Variants in PDHX observed in about 807,000 individuals in gnomAD.
PDHX encodes pyruvate dehydrogenase complex component X, also known as pyruvate dehydrogenase protein X component, mitochondrial.
A neutral mutation model predicts 55.3 loss-of-function variants in PDHX; 33 were observed. The observed-to-expected ratio is 0.60, with a 90% CI of 0.45 to 0.80. The LOEUF (loss-of-function observed/expected upper bound fraction) is 0.80, where lower values mean the gene tolerates loss of function less well. PDHX is among the 30% of genes least tolerant of loss of function. The probability of loss-of-function intolerance (pLI) is 0.00; values close to 1 mark genes in which losing one functional copy is unlikely to be tolerated. For missense variants in PDHX, 622 were observed against 619.9 expected (o/e 1.00, Z -0.04); for synonymous variants, 226 against 219.4 (o/e 1.03, Z -0.27).
chr11:34,931,752 T>C (rs531733201), intron 2 of PDHX, among the ~76,000 whole-genome samples: 1 of 152,214 alleles, frequency 6.6e-6, no homozygotes, highest in African/African-American at 2.4e-5. Flanking sequence ...TCCTTATGCC[T>C]AGCTTTTAGT....
chr11:34,994,812 C>A, intron 10 of PDHX, 102 bp from the exon 11 acceptor site: 1 of 1,274,470 alleles, frequency 7.8e-7, no homozygotes, highest in Non-Finnish European at 1.1e-6. Context: ...TTTTTTCTTG[C>A]CTTACTACAC....
At chr11:34,950,946 G>A (rs1245967038) in intron 3 of PDHX, among the ~76,000 whole-genome samples, 2 of 149,296 alleles carry the variant, frequency 1.3e-5, no homozygotes, top group African/African-American at 2.5e-5. Flanking sequence ...CTGAGGAATC[G>A]CCACACTGAC....
chr11:34,994,866 CT>C (rs1231274351), intron 10 of PDHX, 47 bp from the exon 11 acceptor site: 1 of 1,610,106 alleles, frequency 6.2e-7, no homozygotes, highest in African/African-American at 1.3e-5. Context: ...GGAAAGGGGA[CT>C]TTGATTAAGG....
intron 8 of PDHX, among the ~76,000 whole-genome samples, chr11:34,980,352 C>CTTTTCTTTTTTTTTTT (rs1855481832): frequency 1.3e-5 from 1 of 74,822 alleles, no homozygotes; most frequent in Non-Finnish European, 2.6e-5. Context: ...AAGATAGTTT[C>CTTTTCTTTTTTTTTTT]TTTTTTTTTT....
chr11:34,960,832 A>AT (rs1166004001), intron 5 of PDHX, among the ~76,000 whole-genome samples: 1 of 152,228 alleles, frequency 6.6e-6, no homozygotes, highest in Admixed American at 6.5e-5. Flanking sequence ...AAATCATGCA[A>AT]TAACATTTAC....
intron 8 of PDHX, among the ~76,000 whole-genome samples, chr11:34,981,572 C>G (rs964413990): frequency 6.6e-6 from 1 of 152,184 alleles, no homozygotes; most frequent in Non-Finnish European, 1.5e-5. Flanking sequence ...TGAGGAATCG[C>G]CACACTGACT....
chr11:34,986,210 C>G lies in PDHX; in HGVS notation c.1182+1482C>G, dbSNP rs1855638677. Among the ~76,000 whole-genome samples, 3 of 150,482 alleles carry G rather than the reference C, an allele frequency of 2.0e-5. No homozygotes were observed. In the Admixed American group the frequency reaches 2.0e-4, roughly 10 times the overall value. On this transcript the variant is annotated intron_variant, in intron 9 of 10. Coordinates refer to ENST00000227868, the MANE Select transcript of PDHX (RefSeq NM_003477.3). ...ATCTGAACTATTCGCGTGACGGAGGCATGAGAATTGCTTGAACCTGGGAGG... is the reference window on the plus strand; with the variant it reads ...ATCTGAACTATTCGCGTGACGGAGGGATGAGAATTGCTTGAACCTGGGAGG...
chr11:34,916,562 T>A, upstream of PDHX: 1 of 1,542,614 alleles, frequency 6.5e-7, no homozygotes, highest in Non-Finnish European at 8.7e-7. Context: ...AAGGCACCGC[T>A]AGCGTCTGGG....
At chr11:34,982,847 A>C (rs1011197515) in intron 8 of PDHX, among the ~76,000 whole-genome samples, 1 of 152,236 alleles carries the variant, frequency 6.6e-6, no homozygotes, top group African/African-American at 2.4e-5. Context: ...CAGAGGTACA[A>C]GGAGGAGCTG....
intron 5 of PDHX, among the ~76,000 whole-genome samples, chr11:34,965,144 TCA>T (rs1475761586): frequency 6.6e-6 from 1 of 152,208 alleles, no homozygotes; most frequent in Non-Finnish European, 1.5e-5. Flanking sequence ...ACTCATGGTC[TCA>T]CAAGGCTGAA....
intron 10 of PDHX, among the ~76,000 whole-genome samples, chr11:34,994,198 C>G (rs1369015839): frequency 6.6e-6 from 1 of 152,138 alleles, no homozygotes; most frequent in Non-Finnish European, 1.5e-5. Context: ...CTGCTACACA[C>G]CTTAGCTGTA....
At chr11:34,992,447 C>A in intron 10 of PDHX, 68 bp downstream of exon 10, 1 of 814,032 alleles carries the variant, frequency 1.2e-6, no homozygotes, top group South Asian at 1.5e-5. Context: ...AAGTCCCTGT[C>A]AGCCTTTCAT....
chr11:34,943,245 C>A, intron 2 of PDHX, among the ~76,000 whole-genome samples: 1 of 152,208 alleles, frequency 6.6e-6, no homozygotes, highest in East Asian at 1.9e-4. Flanking sequence ...ATTTTATATG[C>A]AATTTGTGAT....
At chr11:34,952,869 G>A (rs1854810040) in intron 3 of PDHX, among the ~76,000 whole-genome samples, 1 of 150,744 alleles carries the variant, frequency 6.6e-6, no homozygotes, top group South Asian at 2.1e-4. Flanking sequence ...GTAAATAAAG[G>A]GTATTCAATT....
chr11:34,992,280 T>C (rs200489577), intron 9 of PDHX, 35 bp from the exon 10 acceptor site: 8 of 1,240,666 alleles, frequency 6.4e-6, no homozygotes, highest in Non-Finnish European at 9.5e-6. Flanking sequence ...TATAACATTT[T>C]GTTGGTTGTC....
chr11:34,948,953 T>G (rs899341325), intron 3 of PDHX, among the ~76,000 whole-genome samples: 1 of 152,226 alleles, frequency 6.6e-6, no homozygotes, highest in African/African-American at 2.4e-5. Flanking sequence ...ATTTTTCCAC[T>G]TAGCTGCTTA....
intron 4 of PDHX, among the ~76,000 whole-genome samples, chr11:34,958,386 G>A (rs1375293856): frequency 1.3e-5 from 2 of 151,882 alleles, no homozygotes; most frequent in Non-Finnish European, 2.9e-5. Context: ...CCGCAACCTC[G>A]GTCTTCTGGG....
At chr11:34,954,999 A>G (rs563739135) in intron 3 of PDHX, among the ~76,000 whole-genome samples, 20 of 152,330 alleles carry the variant, frequency 1.3e-4, no homozygotes, top group South Asian at 4.1e-4. Context: ...TCAACATTCA[A>G]TATTTCAGTA....
At chr11:34,964,747 G>A (rs1855089840) in intron 5 of PDHX, among the ~76,000 whole-genome samples, 2 of 135,032 alleles carry the variant, frequency 1.5e-5, no homozygotes, top group African/African-American at 7.3e-5. Flanking sequence ...AAATAAAGTA[G>A]CAGTAATAGT....
Sources: gnomAD v4.1 joint callset for allele counts (sites outside exome capture counted in the v4.1 genomes callset) on GRCh38, gnomAD v4.1.1 for gene constraint, MANE v1.5 for transcripts, NCBI Gene and HGNC (gene_info 2026-07-23, HGNC 2026-07-21) for gene names.